Variants in FAM135B observed in about 807,000 individuals in gnomAD.
The protein encoded by FAM135B is family with sequence similarity 135 member B.
Under a neutral mutation model 127.7 loss-of-function variants are expected in FAM135B, and 43 were observed. The ratio of observed to expected loss-of-function variants is 0.34; its 90% CI spans 0.26 to 0.43. The LOEUF (loss-of-function observed/expected upper bound fraction) is 0.43, where lower values mean the gene tolerates loss of function less well. FAM135B is among the 20% of genes least tolerant of loss of function. The pLI is 1.00. For missense variants in FAM135B, 1,558 were observed against 1,725.6 expected (o/e 0.90, Z 1.72); for synonymous variants, 670 against 665.1 (o/e 1.01, Z -0.11).
chr8:138,249,374 A>G (rs1363003672), intron 6 of FAM135B, among the ~76,000 whole-genome samples: 1 of 152,136 alleles, frequency 6.6e-6, no homozygotes, highest in African/African-American at 2.4e-5. Flanking sequence ...CCACAACGGC[A>G]TTTACCATAT....
rs28659897 is a variant in FAM135B, at chr8:138,178,430, G to A, written c.1029+105C>T. The stretch of plus-strand genomic sequence containing the variant: ...GGTCATGGTAGAGACACGAAAGCAC[G>A]AAGATCTAGAGGCCAATCCTAATGC... On this transcript the variant is annotated intron_variant, in intron 10 of 19. Transcript: ENST00000395297. 9.4e-3 allele frequency: 12,699 copies of A among 1,356,888 alleles called. 792 individuals are homozygous for A. The African/African-American group carries it at 0.15, about 16-fold the overall frequency. 84.1% of individuals were successfully genotyped at this position (1,356,888 alleles called of 1,614,324 possible). A position where few individuals can be genotyped will look rare whatever the true frequency, so the allele number is the denominator to read the frequency against.
chr8:138,414,425 C>G (rs1215749753), intron 1 of FAM135B, among the ~76,000 whole-genome samples: 1 of 152,054 alleles, frequency 6.6e-6, no homozygotes, highest in Non-Finnish European at 1.5e-5. Flanking sequence ...CCTGTTCTAC[C>G]TATAATCTAG....
At chr8:138,172,512 C>T (rs1212885863) in intron 11 of FAM135B, among the ~76,000 whole-genome samples, 1 of 152,244 alleles carries the variant, frequency 6.6e-6, no homozygotes, top group South Asian at 2.1e-4. Context: ...ACTGGTCCTA[C>T]TTGGTCAAAT....
intron 1 of FAM135B, among the ~76,000 whole-genome samples, chr8:138,463,901 A>C (rs1837257728): frequency 6.6e-6 from 1 of 152,212 alleles, no homozygotes; most frequent in Non-Finnish European, 1.5e-5. Context: ...ACCATTATTA[A>C]AATAACCAAC....
intron 9 of FAM135B, among the ~76,000 whole-genome samples, chr8:138,182,213 G>A (rs2131012190): frequency 6.6e-6 from 1 of 152,362 alleles, no homozygotes; most frequent in African/African-American, 2.4e-5. Flanking sequence ...GCCTCAAGTT[G>A]ATTATAGAAA....
At chr8:138,433,781 G>A (rs1835324053) in intron 1 of FAM135B, among the ~76,000 whole-genome samples, 1 of 152,158 alleles carries the variant, frequency 6.6e-6, no homozygotes, top group African/African-American at 2.4e-5. Context: ...CCAGTAAGAA[G>A]AGAGAATGGG....
intron 18 of FAM135B, among the ~76,000 whole-genome samples, chr8:138,137,807 G>A (rs749953587): frequency 3.3e-5 from 5 of 152,098 alleles, no homozygotes; most frequent in Non-Finnish European, 5.9e-5. Context: ...TGCAGACAGA[G>A]GGACCCTTCA....
chr8:138,322,981 T>C (rs556731852), intron 2 of FAM135B, among the ~76,000 whole-genome samples: 1 of 152,270 alleles, frequency 6.6e-6, no homozygotes, highest in Non-Finnish European at 1.5e-5. Flanking sequence ...CTACACAGTA[T>C]GCACTCATAG....
intron 1 of FAM135B, among the ~76,000 whole-genome samples, chr8:138,415,443 T>G (rs1213901123): frequency 6.6e-6 from 1 of 152,132 alleles, no homozygotes; most frequent in Non-Finnish European, 1.5e-5. Context: ...ACAAATGATT[T>G]AATCATAGAG....
At position 138,192,822 on chromosome 8, in the gene FAM135B, G is replaced by A. The variant is rs1041136278; in HGVS notation, c.873+2436C>T. 6.6e-5 allele frequency among the ~76,000 whole-genome samples: 10 copies of A among 152,138 alleles called. 1 individual carries two copies. The East Asian group carries it at 1.9e-3, about 29-fold the overall frequency. On this transcript the variant is annotated intron_variant, in intron 9 of 19. Transcript: ENST00000395297. ...CTGCATGAATTACTCTTTCTCTATTGCTATCCCCGTCTTGCTAAATGAGCT... is the reference window on the plus strand; with the variant it reads ...CTGCATGAATTACTCTTTCTCTATTACTATCCCCGTCTTGCTAAATGAGCT...
At chr8:138,353,194 G>A (rs774351618) in intron 2 of FAM135B, among the ~76,000 whole-genome samples, 10 of 152,032 alleles carry the variant, frequency 6.6e-5, no homozygotes, top group African/African-American at 2.2e-4. Context: ...CTCTGTCTCC[G>A]ACCATATTGA....
chr8:138,188,540 C>T (rs962128471), intron 9 of FAM135B, among the ~76,000 whole-genome samples: 3 of 152,178 alleles, frequency 2.0e-5, no homozygotes, highest in African/African-American at 7.2e-5. Context: ...CCTAGTAGTT[C>T]CTTTCTCTAC....
At chr8:138,414,471 C>A (rs1834033580) in intron 1 of FAM135B, among the ~76,000 whole-genome samples, 1 of 152,084 alleles carries the variant, frequency 6.6e-6, no homozygotes. Context: ...AAACACCCCC[C>A]AAAAGAGATG....
intron 1 of FAM135B, among the ~76,000 whole-genome samples, chr8:138,404,933 T>G (rs748293110): frequency 6.6e-6 from 1 of 152,194 alleles, no homozygotes; most frequent in African/African-American, 2.4e-5. Flanking sequence ...CCTCCTCCCA[T>G]GAATCACCAA....
At chr8:138,423,401 G>T (rs915311464) in intron 1 of FAM135B, among the ~76,000 whole-genome samples, 3 of 152,164 alleles carry the variant, frequency 2.0e-5, no homozygotes, top group Non-Finnish European at 4.4e-5. Flanking sequence ...GCATCAGCCA[G>T]GTTGAGAAAT....
intron 7 of FAM135B, among the ~76,000 whole-genome samples, chr8:138,232,579 G>T (rs1358888929): frequency 1.3e-5 from 2 of 152,080 alleles, no homozygotes; most frequent in African/African-American, 4.8e-5. Context: ...TTATCTTGCA[G>T]GATTTTATTA....
At chr8:138,485,981 T>C (rs1263728518) in intron 1 of FAM135B, among the ~76,000 whole-genome samples, 2 of 152,056 alleles carry the variant, frequency 1.3e-5, no homozygotes, top group Admixed American at 6.6e-5. Flanking sequence ...GGTCACCTAC[T>C]TAGACTTGGA....
Position 138,153,229 on chromosome 8 carries a change from A to G in FAM135B, c.1259-13T>C, listed in dbSNP as rs1818353621. The stretch of plus-strand genomic sequence containing the variant: ...CTCAAGTTATGCCCTACAAAAAAAA[A>G]AGAAAGAAAATTATATTATAGTGTA... On this transcript the variant is annotated splice_polypyrimidine_tract_variant and intron_variant, in intron 12 of 19. Coordinates refer to ENST00000395297, the MANE Select transcript of FAM135B (RefSeq NM_015912.4). 1 of 1,509,768 alleles carries G rather than the reference A, an allele frequency of 6.6e-7. No individual in the cohort carries two copies. Among genetic ancestry groups the G allele is most frequent in the Non-Finnish European group, 8.9e-7 (1 of 1,125,092 alleles). 93.5% of individuals were successfully genotyped at this position (1,509,768 alleles called of 1,614,324 possible).
At position 138,141,143 on chromosome 8, in the gene FAM135B, G is replaced by A. The variant is rs550283788; in HGVS notation, c.3790+55C>T. 7.0e-6 allele frequency: 11 copies of A among 1,570,996 alleles called. No homozygotes were observed. Among genetic ancestry groups the A allele is most frequent in the African/African-American group, 1.4e-5 (1 of 73,854 alleles). ...TGGAAGTACCTGTGCCCGGTTTCAC[G>A]CCCCAGAGGCCCCAGATTAATTCTG... On this transcript the variant is annotated intron_variant, in intron 17 of 19. Coordinates refer to ENST00000395297, the MANE Select transcript of FAM135B (RefSeq NM_015912.4). The surrounding 1 kb of genome is among the most constrained non-coding windows in gnomAD (Gnocchi z 4.7).
Sources: gnomAD v4.1 joint callset for allele counts (sites outside exome capture counted in the v4.1 genomes callset) on GRCh38, gnomAD v4.1.1 for gene constraint, Gnocchi (gnomAD v3.1) non-coding constraint, MANE v1.5 for transcripts, NCBI Gene and HGNC (gene_info 2026-07-23, HGNC 2026-07-21) for gene names.